RSBN1L: variants seen among roughly 807,000 people sequenced by gnomAD.
RSBN1L encodes the protein round spermatid basic protein 1 like, also known as lysine-specific demethylase RSBN1L.
RSBN1L carries 30 observed loss-of-function variants against 67.7 expected under a neutral mutation model. That is an observed-to-expected ratio of 0.44 (90% CI 0.33 to 0.60). RSBN1L has a LOEUF of 0.60. Among genes scored for constraint, RSBN1L ranks in the 20% least tolerant of loss-of-function variants. The pLI, the probability that RSBN1L is intolerant of heterozygous loss-of-function variation, is 0.02. For synonymous variants in RSBN1L, 433 were observed against 387.0 expected (o/e 1.12, Z -1.39); for missense variants, 992 against 1,031.7 (o/e 0.96, Z 0.53).
intron 1 of RSBN1L, among the ~76,000 whole-genome samples, chr7:77,716,213 T>C (rs1446199309): frequency 6.6e-6 from 1 of 152,240 alleles, no homozygotes; most frequent in Non-Finnish European, 1.5e-5. Flanking sequence ...AGGCATTTTA[T>C]AGGTTTAGGT....
chr7:77,699,724 C>A (rs933037859), intron 1 of RSBN1L, among the ~76,000 whole-genome samples: 1 of 152,058 alleles, frequency 6.6e-6, no homozygotes, highest in Admixed American at 6.6e-5. Context: ...CTGTAGCTGA[C>A]TTGCGTGATA....
At chr7:77,770,136 G>A (rs566536009) in intron 5 of RSBN1L, among the ~76,000 whole-genome samples, 2 of 152,278 alleles carry the variant, frequency 1.3e-5, no homozygotes, top group Non-Finnish European at 2.9e-5. Context: ...ACTTTGGGAG[G>A]CTGAGGCGGG....
At chr7:77,741,702 A>G (rs983370862) in intron 2 of RSBN1L, among the ~76,000 whole-genome samples, 28 of 151,908 alleles carry the variant, frequency 1.8e-4, no homozygotes, top group Non-Finnish European at 3.2e-4. Context: ...AAAAAAAAAA[A>G]AAAAGAAAAG....
Position 77,696,520 on chromosome 7 carries a change from C to T in RSBN1L, c.51C>T (p.Thr17=), listed in dbSNP as rs202088879. Residue 17 remains threonine (T), a synonymous_variant, in exon 1 of 8, where the codon ACC becomes ACT. Coordinates refer to ENST00000334955, the MANE Select transcript of RSBN1L (RefSeq NM_198467.3). ...ACTGTGTCGCTGCCGCGGCCCCCACCGCCACCGTCTCGGAGAAAGAACCGT... is the reference window on the plus strand; with the variant it reads ...ACTGTGTCGCTGCCGCGGCCCCCACTGCCACCGTCTCGGAGAAAGAACCGT... The part of the protein sequence containing the change: ...PVHCVAAAAP[T]ATVSEKEPFG... 13 of 1,613,808 alleles carry T rather than the reference C, an allele frequency of 8.1e-6. No homozygotes were observed. Among genetic ancestry groups the T allele is most frequent in the Non-Finnish European group, 1.1e-5 (13 of 1,179,930 alleles).
intron 1 of RSBN1L, among the ~76,000 whole-genome samples, chr7:77,711,742 A>T (rs1225652692): frequency 6.6e-6 from 1 of 152,212 alleles, no homozygotes; most frequent in Non-Finnish European, 1.5e-5. Flanking sequence ...TGGCATTTTG[A>T]GTAATTGTTC....
chr7:77,747,101 G>T (rs890663004), intron 2 of RSBN1L, among the ~76,000 whole-genome samples: 12 of 152,108 alleles, frequency 7.9e-5, no homozygotes, highest in Non-Finnish European at 1.2e-4. Flanking sequence ...GCCCCACTCT[G>T]CAGTACCCTG....
chr7:77,724,305 G>A (rs1209657678), intron 1 of RSBN1L, among the ~76,000 whole-genome samples: 3 of 151,786 alleles, frequency 2.0e-5, no homozygotes, highest in Non-Finnish European at 2.9e-5. Context: ...TATACTGAGT[G>A]ATTCTAAATC....
chr7:77,699,230 T>G (rs1241225099), intron 1 of RSBN1L, among the ~76,000 whole-genome samples: 1 of 152,176 alleles, frequency 6.6e-6, no homozygotes, highest in African/African-American at 2.4e-5. Flanking sequence ...GCTGGCTGAT[T>G]GAACAGTCTG....
In RSBN1L at chr7:77,759,149, G is replaced by A. The variant is rs550097020; in HGVS notation, c.1345-6346G>A. Among the ~76,000 whole-genome samples, 3 of 152,132 alleles carry A rather than the reference G, an allele frequency of 2.0e-5. No individual in the cohort carries two copies. The South Asian group carries it at 6.2e-4, about 32-fold the overall frequency. On this transcript the variant is annotated intron_variant, in intron 3 of 7. Transcript: ENST00000334955. ...CTAGCATTTGTTGAATTTGTGCTGG[G>A]GCCATTCACTGTGTTAGGCTACTAA...
intron 1 of RSBN1L, chr7:77,697,424 ATTGT>A (rs1278908650): frequency 5.2e-6 from 1 of 191,808 alleles, no homozygotes; most frequent in African/African-American, 2.3e-5. Flanking sequence ...TGCTTGATTG[ATTGT>A]TAGACCACTT....
chr7:77,740,438 G>C (rs1428765631), intron 2 of RSBN1L, among the ~76,000 whole-genome samples: 3 of 152,214 alleles, frequency 2.0e-5, no homozygotes, highest in Non-Finnish European at 4.4e-5. Flanking sequence ...AAGGTGACTG[G>C]TAGTGTACTA....
In RSBN1L at chr7:77,720,272, T is replaced by C. The variant is rs187041841; in HGVS notation, c.587-16138T>C. 3.4e-4 allele frequency among the ~76,000 whole-genome samples: 51 copies of C among 152,236 alleles called. No homozygotes were observed. The East Asian group carries it at 9.7e-3, about 29-fold the overall frequency. On this transcript the variant is annotated intron_variant, in intron 1 of 7. Coordinates refer to ENST00000334955, the MANE Select transcript of RSBN1L (RefSeq NM_198467.3). ...GCATATGTTGCCTTGTTATAAAAAT[T>C]GTAAAAGGCTGGGCGTGGTGGCTCG... is the stretch of plus-strand genomic sequence containing the variant.
chr7:77,765,517 G>T lies in RSBN1L; in HGVS notation c.1367G>T (p.Gly456Val). The change falls in exon 4 of 8, where the codon GGT becomes GTT. Residue 456 changes from glycine to valine, a missense_variant. Physicochemically the swap from Gly to Val is moderately radical, Grantham distance 109 (BLOSUM62 -3). Transcript: ENST00000334955. ...HAQVKRTYSH[G>V]TYRAGPMRQI... Reference sequence around the variant, plus strand: ...CAGGTAAAAAGAACGTATTCTCATGGTACTTACAGAGCTGGCCCAATGAGA... The same window carrying T: ...CAGGTAAAAAGAACGTATTCTCATGTTACTTACAGAGCTGGCCCAATGAGA... The T allele has an allele frequency of 6.3e-7, 1 of 1,596,448 alleles. No individual in the cohort carries two copies. Among genetic ancestry groups the T allele is most frequent in the Non-Finnish European group, 8.5e-7 (1 of 1,171,002 alleles).
chr7:77,742,335 G>C (rs1049231135), intron 2 of RSBN1L, among the ~76,000 whole-genome samples: 1 of 152,134 alleles, frequency 6.6e-6, no homozygotes, highest in Non-Finnish European at 1.5e-5. Flanking sequence ...ACAAGTTTCT[G>C]AGAGTCCTTT....
intron 2 of RSBN1L, among the ~76,000 whole-genome samples, chr7:77,742,950 C>T (rs1471949276): frequency 6.6e-6 from 1 of 152,144 alleles, no homozygotes; most frequent in African/African-American, 2.4e-5. Context: ...AGATGCTAGC[C>T]GAGAGTCAGC....
At chr7:77,773,338 A>G in intron 6 of RSBN1L, 24 bp downstream of exon 6, 1 of 1,400,924 alleles carries the variant, frequency 7.1e-7, no homozygotes, top group Non-Finnish European at 9.4e-7. Context: ...CCGCTATTTT[A>G]ATGAAAGAAT....
chr7:77,767,041 T>TCCCTTC (rs1198520132), intron 4 of RSBN1L, among the ~76,000 whole-genome samples: 2 of 137,628 alleles, frequency 1.5e-5, no homozygotes, highest in Admixed American at 7.2e-5. Context: ...CCTTTCCCCT[T>TCCCTTC]CCCTTCCCCT....
At chr7:77,760,531 C>T (rs1791685545) in intron 3 of RSBN1L, among the ~76,000 whole-genome samples, 1 of 152,148 alleles carries the variant, frequency 6.6e-6, no homozygotes, top group African/African-American at 2.4e-5. Flanking sequence ...TGTGTTCTGA[C>T]ACATCTATAT....
In RSBN1L at chr7:77,750,071, G is replaced by GGTTTTTA; in HGVS notation, c.1344+13_1344+19dup. 6.6e-7 allele frequency: 1 copy of GGTTTTTA among 1,504,180 alleles called. No homozygotes were observed. The highest frequency in any genetic ancestry group is 8.9e-7 in the Non-Finnish European group (1 of 1,129,118). The allele number at this position is 1,504,180 out of a possible 1,614,324, so 93.2% of individuals were successfully genotyped here. A position where few individuals can be genotyped will look rare whatever the true frequency, so the allele number is the denominator to read the frequency against. On this transcript the variant is annotated splice_region_variant and intron_variant, in intron 3 of 7. Transcript: ENST00000334955. ...GTCCAATTTTCATGCTCAGGTAAGA[G>GGTTTTTA]GTTTTTAGTTTTATAAAATAACTTT...
Sources: allele counts gnomAD v4.1 joint callset (sites outside exome capture counted in the v4.1 genomes callset), GRCh38; gene constraint gnomAD v4.1.1; transcripts MANE v1.5; gene names NCBI Gene and HGNC (gene_info 2026-07-23, HGNC 2026-07-21).